The following IL1RAPL1 variants were observed in gnomAD, a reference collection of about 807,000 sequenced individuals.
The protein encoded by IL1RAPL1 is interleukin-1 receptor accessory protein-like 1.
IL1RAPL1 carries 3 observed loss-of-function variants against 48.4 expected under a neutral mutation model. That is an observed-to-expected ratio of 0.06 (90% CI 0.03 to 0.16). The LOEUF (loss-of-function observed/expected upper bound fraction) is 0.16, where lower values mean the gene tolerates loss of function less well. IL1RAPL1 is among the 10% of genes least tolerant of loss of function. The probability of loss-of-function intolerance (pLI) is 1.00; values close to 1 mark genes in which losing one functional copy is unlikely to be tolerated. For synonymous variants in IL1RAPL1, 185 were observed against 187.7 expected (o/e 0.99, Z 0.12); for missense variants, 349 against 530.6 (o/e 0.66, Z 3.36).
chrX:29,711,928 T>C (rs1927363040), intron 6 of IL1RAPL1, among the ~76,000 whole-genome samples: 1 of 111,530 alleles, frequency 9.0e-6, no homozygotes, highest in South Asian at 3.7e-4. Context: ...GATAGTTGTC[T>C]TCATTCAGGG....
At chrX:29,058,419 A>G (rs1024281447) in intron 2 of IL1RAPL1, among the ~76,000 whole-genome samples, 1 of 111,657 alleles carries the variant, frequency 9.0e-6, no homozygotes, top group Non-Finnish European at 1.9e-5. Flanking sequence ...ACCCATTCCC[A>G]GGTAAAATGT....
At chrX:29,592,016 C>T (rs751612090) in intron 5 of IL1RAPL1, among the ~76,000 whole-genome samples, 20 of 111,429 alleles carry the variant, frequency 1.8e-4, no homozygotes, top group Admixed American at 7.6e-4. Flanking sequence ...ATCTGATGAA[C>T]GGGTGAAAAC....
At chrX:28,982,481 G>A (rs191909019) in intron 2 of IL1RAPL1, among the ~76,000 whole-genome samples, 28 of 112,352 alleles carry the variant, frequency 2.5e-4, no homozygotes, top group African/African-American at 9.1e-4. Context: ...AGTAAATATT[G>A]TTCATATGGC....
chrX:29,787,675 G>A (rs1391769298), intron 6 of IL1RAPL1, among the ~76,000 whole-genome samples: 1 of 111,783 alleles, frequency 8.9e-6, no homozygotes, highest in Admixed American at 9.5e-5. Flanking sequence ...GAATGCATCC[G>A]TTTCTTTACC....
At chrX:29,442,397 C>T (rs759631528) in intron 5 of IL1RAPL1, among the ~76,000 whole-genome samples, 1 of 110,986 alleles carries the variant, frequency 9.0e-6, no homozygotes, top group Non-Finnish European at 1.9e-5. Flanking sequence ...AAATATGGTG[C>T]AGTGTATACT....
intron 1 of IL1RAPL1, among the ~76,000 whole-genome samples, chrX:28,764,851 C>A (rs930626143): frequency 9.0e-6 from 1 of 110,542 alleles, no homozygotes; most frequent in Non-Finnish European, 1.9e-5. Context: ...CCCCCATGCT[C>A]ACGTATGTTT....
intron 1 of IL1RAPL1, among the ~76,000 whole-genome samples, chrX:28,762,063 A>G (rs1162906321): frequency 8.9e-6 from 1 of 112,045 alleles, no homozygotes; most frequent in Non-Finnish European, 1.9e-5. Flanking sequence ...GTGATACTTA[A>G]TAAATAGTAA....
intron 6 of IL1RAPL1, among the ~76,000 whole-genome samples, chrX:29,730,711 T>C (rs934246404): frequency 8.9e-6 from 1 of 112,072 alleles, no homozygotes; most frequent in African/African-American, 3.2e-5. Context: ...AGATAAGAAC[T>C]TGTTGCCTTG....
chrX:29,071,993 G>A (rs780113740), intron 2 of IL1RAPL1, among the ~76,000 whole-genome samples: 2 of 111,150 alleles, frequency 1.8e-5, no homozygotes, highest in African/African-American at 3.3e-5. Flanking sequence ...GCCTTCAGCG[G>A]CAATGGAAGA....
chrX:29,028,288 G>GTT (rs1926533723), intron 2 of IL1RAPL1, among the ~76,000 whole-genome samples: 5 of 89,805 alleles, frequency 5.6e-5, no homozygotes, highest in African/African-American at 1.2e-4. Context: ...TGTTTTTTTT[G>GTT]TTTGTTTTTT....
At chrX:28,724,050 C>T (rs1259605752) in intron 1 of IL1RAPL1, among the ~76,000 whole-genome samples, 1 of 111,706 alleles carries the variant, frequency 9.0e-6, no homozygotes, top group Non-Finnish European at 1.9e-5. Flanking sequence ...TGATGTGGTG[C>T]TGAGAAGAAT....
intron 2 of IL1RAPL1, among the ~76,000 whole-genome samples, chrX:29,134,806 T>C (rs923391716): frequency 2.7e-5 from 3 of 111,442 alleles, no homozygotes; most frequent in African/African-American, 6.5e-5. Flanking sequence ...TATATTGTTA[T>C]AGAGAATGTC....
chrX:28,910,019 C>T (rs6628398), intron 2 of IL1RAPL1, among the ~76,000 whole-genome samples: 5,568 of 111,408 alleles, frequency 0.05, 289 homozygotes, highest in East Asian at 0.36. Context: ...CTAATATAAT[C>T]AATTCTGCCA....
intron 2 of IL1RAPL1, among the ~76,000 whole-genome samples, chrX:29,149,709 T>C (rs1929422272): frequency 8.9e-6 from 1 of 111,982 alleles, no homozygotes; most frequent in African/African-American, 3.2e-5. Flanking sequence ...TGAAACTATC[T>C]TGAAATGTAG....
intron 6 of IL1RAPL1, among the ~76,000 whole-genome samples, chrX:29,715,054 A>T (rs1927445978): frequency 8.9e-6 from 1 of 111,844 alleles, no homozygotes; most frequent in Admixed American, 9.5e-5. Flanking sequence ...CTGCTTTGGG[A>T]TGTGAAGGAT....
chrX:29,883,387 T>C (rs1392699330), intron 6 of IL1RAPL1, among the ~76,000 whole-genome samples: 1 of 111,717 alleles, frequency 9.0e-6, no homozygotes, highest in East Asian at 2.8e-4. Context: ...AAAAATTAGC[T>C]GCAGGCAGAA....
At position 28,916,118 on chromosome X, in the gene IL1RAPL1, C is replaced by T. The variant is rs183773367; in HGVS notation, c.82+126693C>T. On this transcript the variant is annotated intron_variant, in intron 2 of 10. Coordinates refer to ENST00000378993, the MANE Select transcript of IL1RAPL1 (RefSeq NM_014271.4). Reference sequence around the variant, plus strand: ...AGAGACTTTATTTCTTCCCTACTAACATTCACTGTTAAATTGGATTAAGTT... The same window carrying T: ...AGAGACTTTATTTCTTCCCTACTAATATTCACTGTTAAATTGGATTAAGTT... Among the ~76,000 whole-genome samples, 722 of 110,750 alleles carry T rather than the reference C, an allele frequency of 6.5e-3. 3 individuals are homozygous for T. Among genetic ancestry groups the T allele is most frequent in the Non-Finnish European group, 0.012 (611 of 52,957 alleles).
chrX:29,879,455 C>T (rs1430149307), intron 6 of IL1RAPL1, among the ~76,000 whole-genome samples: 1 of 99,926 alleles, frequency 1.0e-5, no homozygotes, highest in Non-Finnish European at 2.0e-5. Context: ...AACATATATA[C>T]AACTGTATAC....
rs767742315 is a variant in IL1RAPL1 at position 28,604,485 on chromosome X, T to C, written c.-25+16438T>C. 3.0e-3 allele frequency among the ~76,000 whole-genome samples: 335 copies of C among 111,015 alleles called. 1 individual carries two copies. The highest frequency in any genetic ancestry group is 3.5e-3 in the Non-Finnish European group (187 of 53,017). ...GGCTCATACCTGTAATCCCAGCACT[T>C]TGGGAGGCCGAGGCGGGTGGATCAC... On this transcript the variant is annotated intron_variant, in intron 1 of 10. Coordinates refer to ENST00000378993, the MANE Select transcript of IL1RAPL1 (RefSeq NM_014271.4).
Sources: gnomAD v4.1 joint callset for allele counts (sites outside exome capture counted in the v4.1 genomes callset) on GRCh38, gnomAD v4.1.1 for gene constraint, MANE v1.5 for transcripts, NCBI Gene and HGNC (gene_info 2026-07-23, HGNC 2026-07-21) for gene names.